The following PRKG1 variants were observed in gnomAD, a reference collection of about 807,000 sequenced individuals.
PRKG1 encodes protein kinase cGMP-dependent 1.
Under a neutral mutation model 88.1 loss-of-function variants are expected in PRKG1, and 35 were observed. The ratio of observed to expected loss-of-function variants is 0.40; its 90% CI spans 0.30 to 0.53. PRKG1 has a LOEUF of 0.53. PRKG1 is among the 20% of genes least tolerant of loss of function. The pLI is 0.59. For synonymous variants in PRKG1, 303 were observed against 292.5 expected (o/e 1.04, Z -0.37); for missense variants, 540 against 839.8 (o/e 0.64, Z 4.41).
At chr10:51,079,760 A>T (rs1453777570) in intron 1 of PRKG1, among the ~76,000 whole-genome samples, 1 of 152,100 alleles carries the variant, frequency 6.6e-6, no homozygotes, top group Admixed American at 6.6e-5. Context: ...CCAGAATATC[A>T]GTTCAGCTTT....
Position 52,297,317 on chromosome 10 carries a change from A to T in PRKG1, c.*3417A>T, listed in dbSNP as rs1320704721. 1 of 152,094 alleles carries T rather than the reference A, an allele frequency of 6.6e-6. No individual in the cohort carries two copies. The highest frequency in any genetic ancestry group is 1.5e-5 in the Non-Finnish European group (1 of 68,004). 9.4% of individuals were successfully genotyped at this position (152,094 alleles called of 1,614,324 possible). On this transcript the variant is annotated 3_prime_UTR_variant, in exon 18 of 18. Coordinates refer to ENST00000373980, the MANE Select transcript of PRKG1 (RefSeq NM_006258.4). ...CTGTACTGTTATTCATCTGTCCCATAGTTTAGAACATGACCTGGCTATCTG... is the reference window on the plus strand; with the variant it reads ...CTGTACTGTTATTCATCTGTCCCATTGTTTAGAACATGACCTGGCTATCTG...
At chr10:52,024,318 T>TTTTG (rs1554793245) in intron 5 of PRKG1, among the ~76,000 whole-genome samples, 7,471 of 141,184 alleles carry the variant, frequency 0.053, 466 homozygotes, top group African/African-American at 0.16. Context: ...TTTATTTAAC[T>TTTTG]TTTTTTTTTA....
At chr10:52,056,034 T>C (rs1846103262) in intron 6 of PRKG1, among the ~76,000 whole-genome samples, 1 of 152,196 alleles carries the variant, frequency 6.6e-6, no homozygotes, top group Admixed American at 6.5e-5. Flanking sequence ...ATTATTCCTA[T>C]TCTTTTGACT....
intron 4 of PRKG1, among the ~76,000 whole-genome samples, chr10:51,851,715 C>G (rs1840559481): frequency 6.6e-6 from 1 of 152,134 alleles, no homozygotes; most frequent in Non-Finnish European, 1.5e-5. Flanking sequence ...GCTTAAAATG[C>G]TTTGACATTT....
intron 9 of PRKG1, among the ~76,000 whole-genome samples, chr10:52,195,512 A>G (rs1188489048): frequency 1.3e-5 from 2 of 152,172 alleles, no homozygotes; most frequent in Non-Finnish European, 2.9e-5. Flanking sequence ...TTCAACCTAT[A>G]AATACAGATA....
intron 1 of PRKG1, among the ~76,000 whole-genome samples, chr10:51,103,124 T>C (rs1844727540): frequency 1.1e-5 from 1 of 90,948 alleles, no homozygotes; most frequent in Non-Finnish European, 2.7e-5. Flanking sequence ...AATGGCTAAA[T>C]ATTCAAAAGT....
chr10:51,303,942 C>T (rs1840964032), intron 2 of PRKG1, among the ~76,000 whole-genome samples: 7 of 152,006 alleles, frequency 4.6e-5, no homozygotes, highest in Admixed American at 4.6e-4. Flanking sequence ...TCCTCGGCCT[C>T]CCAAATAGCT....
intron 3 of PRKG1, among the ~76,000 whole-genome samples, chr10:51,727,546 C>T (rs1158052247): frequency 6.6e-6 from 1 of 152,034 alleles, no homozygotes; most frequent in Non-Finnish European, 1.5e-5. Flanking sequence ...CCTGGGATTC[C>T]GTTGACATTA....
chr10:51,289,027 T>C (rs559345372), intron 2 of PRKG1, among the ~76,000 whole-genome samples: 1 of 152,210 alleles, frequency 6.6e-6, no homozygotes, highest in African/African-American at 2.4e-5. Context: ...ATGGAAAGGC[T>C]AGGAAAATGA....
intron 10 of PRKG1, among the ~76,000 whole-genome samples, chr10:52,253,916 CA>C (rs1308268537): frequency 6.0e-5 from 3 of 49,606 alleles, no homozygotes; most frequent in African/African-American, 1.4e-4. Context: ...CTTGTACATC[CA>C]CAACACACTG....
At chr10:51,961,395 G>C in intron 5 of PRKG1, among the ~76,000 whole-genome samples, 1 of 99,944 alleles carries the variant, frequency 1.0e-5, no homozygotes, top group Non-Finnish European at 2.3e-5. Flanking sequence ...TGAAAAAAAA[G>C]AATCTGCATT....
intron 3 of PRKG1, among the ~76,000 whole-genome samples, chr10:51,618,297 G>A (rs768349984): frequency 2.6e-5 from 4 of 152,072 alleles, no homozygotes; most frequent in Non-Finnish European, 5.9e-5. Context: ...AATAGCCATG[G>A]TCCAGAAAAT....
At chr10:52,146,491 C>CT (rs375034275) in intron 8 of PRKG1, among the ~76,000 whole-genome samples, 2 of 151,982 alleles carry the variant, frequency 1.3e-5, no homozygotes, top group African/African-American at 4.8e-5. Flanking sequence ...GCAAGGAATT[C>CT]TTTTTTTTCT....
upstream of PRKG1, among the ~76,000 whole-genome samples, chr10:51,071,158 C>T (rs1843821957): frequency 1.3e-5 from 2 of 152,132 alleles, no homozygotes; most frequent in Non-Finnish European, 2.9e-5. Context: ...AATTGCAGGA[C>T]TTTGATTTTT....
chr10:51,874,570 C>A (rs550854443), intron 4 of PRKG1, among the ~76,000 whole-genome samples: 18 of 152,242 alleles, frequency 1.2e-4, no homozygotes, highest in African/African-American at 4.1e-4. Context: ...TATGCCAAAG[C>A]TTAAGAGCAT....
At chr10:51,153,113 T>G in intron 1 of PRKG1, 51 bp from the exon 2 acceptor site, 2 of 1,535,470 alleles carry the variant, frequency 1.3e-6, no homozygotes, top group Non-Finnish European at 1.8e-6. Context: ...CCTCACAAAC[T>G]ATGAAAGAGC....
intron 2 of PRKG1, among the ~76,000 whole-genome samples, chr10:51,211,821 A>G (rs897584114): frequency 1.3e-5 from 2 of 152,230 alleles, no homozygotes; most frequent in African/African-American, 4.8e-5. Context: ...AAAAGAGGAT[A>G]CAAACAAATG....
chr10:51,446,243 T>G (rs983290916), intron 2 of PRKG1, among the ~76,000 whole-genome samples: 3 of 152,002 alleles, frequency 2.0e-5, no homozygotes, highest in African/African-American at 4.8e-5. Context: ...CCAAAGCTTT[T>G]CTTTTCTTTC....
At chr10:51,036,250 T>C (rs1484831896) in intron 1 of PRKG1, among the ~76,000 whole-genome samples, 1 of 152,210 alleles carries the variant, frequency 6.6e-6, no homozygotes, top group Non-Finnish European at 1.5e-5. Flanking sequence ...ACCCTATGTA[T>C]TTTTACCATT....
Sources: gnomAD v4.1 joint callset for allele counts (sites outside exome capture counted in the v4.1 genomes callset) on GRCh38, gnomAD v4.1.1 for gene constraint, MANE v1.5 for transcripts, NCBI Gene and HGNC (gene_info 2026-07-23, HGNC 2026-07-21) for gene names.